The following ERC2 variants were observed in gnomAD, a reference collection of about 807,000 sequenced individuals.
The protein encoded by ERC2 is ELKS/RAB6-interacting/CAST family member 2, also known as ERC protein 2.
In ERC2, 42 loss-of-function variants were observed where a neutral mutation model predicts 114.8. That is an observed-to-expected ratio of 0.37 (90% CI 0.29 to 0.47). The LOEUF is 0.47. ERC2 is among the 20% of genes least tolerant of loss of function. The pLI is 0.99. For synonymous variants in ERC2, 454 were observed against 425.5 expected (o/e 1.07, Z -0.82); for missense variants, 939 against 1,150.7 (o/e 0.82, Z 2.66).
intron 11 of ERC2, among the ~76,000 whole-genome samples, chr3:55,988,957 G>A (rs1186140359): frequency 1.3e-5 from 2 of 152,248 alleles, no homozygotes; most frequent in East Asian, 3.8e-4. Context: ...AGCAGATAAT[G>A]CTTCAGAAAG....
Position 55,659,918 on chromosome 3 carries a change from T to A in ERC2, c.*39+23876A>T, listed in dbSNP as rs1379444725. 2.6e-5 allele frequency among the ~76,000 whole-genome samples: 4 copies of A among 151,934 alleles called. 1 individual carries two copies. The highest frequency in any genetic ancestry group is 9.7e-5 in the African/African-American group (4 of 41,332). On this transcript the variant is annotated intron_variant, in intron 17 of 17. Transcript: ENST00000288221. Reference sequence around the variant, plus strand: ...ATCTCGGTATGGCGTCTCTCCCATATTTGCTCTAGGCATCTAGTGCCTCCT... The same window carrying A: ...ATCTCGGTATGGCGTCTCTCCCATAATTGCTCTAGGCATCTAGTGCCTCCT...
chr3:56,153,420 T>C (rs1265958459), intron 4 of ERC2, among the ~76,000 whole-genome samples: 1 of 152,178 alleles, frequency 6.6e-6, no homozygotes, highest in Non-Finnish European at 1.5e-5. Context: ...GATCCTCGGG[T>C]GATTCGGGTG....
chr3:55,937,477 T>G (rs1418723222), intron 13 of ERC2, among the ~76,000 whole-genome samples: 1 of 152,160 alleles, frequency 6.6e-6, no homozygotes, highest in African/African-American at 2.4e-5. Context: ...TGTTCAAGAC[T>G]CCAGCTACTT....
At chr3:55,569,860 T>C (rs868079336) in intron 17 of ERC2, among the ~76,000 whole-genome samples, 6 of 142,306 alleles carry the variant, frequency 4.2e-5, no homozygotes, top group Admixed American at 1.4e-4. Context: ...ACTTCATTTC[T>C]ATTTTTTTTT....
chr3:55,656,384 C>G (rs2060867469), intron 17 of ERC2, among the ~76,000 whole-genome samples: 1 of 152,170 alleles, frequency 6.6e-6, no homozygotes. Context: ...TCTTGAACTC[C>G]TGGCTCAAGT....
chr3:55,604,048 A>T (rs921982300), intron 17 of ERC2, among the ~76,000 whole-genome samples: 8 of 152,178 alleles, frequency 5.3e-5, no homozygotes, highest in Middle Eastern at 3.2e-3. Flanking sequence ...TCAGAGAGAG[A>T]AAGCAATGAA....
chr3:56,219,820 A>T (rs747514927), intron 3 of ERC2, among the ~76,000 whole-genome samples: 7 of 152,162 alleles, frequency 4.6e-5, no homozygotes, highest in Non-Finnish European at 8.8e-5. Context: ...TAGTGGCCAA[A>T]GACTGATTTC....
At chr3:56,403,646 C>G (rs966428115) in intron 2 of ERC2, among the ~76,000 whole-genome samples, 20 of 152,296 alleles carry the variant, frequency 1.3e-4, no homozygotes, top group African/African-American at 4.1e-4. Context: ...TTAACGAGAT[C>G]CCCAGGTAAT....
intron 3 of ERC2, 116 bp downstream of exon 3, chr3:56,295,903 G>A (rs1350649175): frequency 1.7e-5 from 20 of 1,166,730 alleles, no homozygotes; most frequent in Non-Finnish European, 2.0e-5. Flanking sequence ...TCATAAAGCA[G>A]ATGACAAAGG....
intron 2 of ERC2, among the ~76,000 whole-genome samples, chr3:56,318,937 G>A (rs2056996806): frequency 6.8e-6 from 1 of 147,092 alleles, no homozygotes; most frequent in Non-Finnish European, 1.5e-5. Flanking sequence ...ACTCCAGCCT[G>A]GGTGACACAG....
intron 3 of ERC2, among the ~76,000 whole-genome samples, chr3:56,261,801 T>C (rs922735573): frequency 1.3e-5 from 2 of 152,210 alleles, no homozygotes; most frequent in South Asian, 4.1e-4. Context: ...ACAGATTATT[T>C]CATTACTGAG....
At chr3:56,179,472 C>T (rs530155618) in intron 3 of ERC2, among the ~76,000 whole-genome samples, 9 of 152,014 alleles carry the variant, frequency 5.9e-5, no homozygotes, top group Non-Finnish European at 1.2e-4. Context: ...AGCATGGTTT[C>T]GGGGTGGTGG....
In ERC2 at chr3:55,808,727, AT is replaced by A. The variant is rs1559689281; in HGVS notation, c.2565-73810del. ...TATATATATATATATATATATATAT[AT>A]ATATATATATATATAACGTATAACT... On this transcript the variant is annotated intron_variant, in intron 14 of 17. Transcript: ENST00000288221. Among the ~76,000 whole-genome samples, 69 of 116,102 alleles carry A rather than the reference AT, an allele frequency of 5.9e-4. 2 individuals carry two copies. Among genetic ancestry groups the A allele is most frequent in the African/African-American group, 1.8e-3 (51 of 27,600 alleles). The allele number at this position is 116,102 out of a possible 152,430, so 76.2% of individuals were successfully genotyped here. A position where few individuals can be genotyped will look rare whatever the true frequency, so the allele number is the denominator to read the frequency against.
At chr3:56,110,718 G>A (rs1174121507) in intron 6 of ERC2, among the ~76,000 whole-genome samples, 1 of 152,138 alleles carries the variant, frequency 6.6e-6, no homozygotes, top group Non-Finnish European at 1.5e-5. Flanking sequence ...AAAATGGCCT[G>A]TAGGCAGGAT....
At chr3:56,384,520 T>A (rs2059865319) in intron 2 of ERC2, among the ~76,000 whole-genome samples, 2 of 152,184 alleles carry the variant, frequency 1.3e-5, no homozygotes, top group Admixed American at 6.6e-5. Flanking sequence ...TCTATTCAAG[T>A]CCTTTTGCCC....
At chr3:56,129,446 T>A (rs1478304052) in intron 6 of ERC2, among the ~76,000 whole-genome samples, 2 of 152,180 alleles carry the variant, frequency 1.3e-5, no homozygotes, top group African/African-American at 4.8e-5. Context: ...CTTAATAAAT[T>A]CTGTTTTCCA....
chr3:55,612,070 G>A (rs2058929253), intron 17 of ERC2, among the ~76,000 whole-genome samples: 1 of 152,080 alleles, frequency 6.6e-6, no homozygotes, highest in African/African-American at 2.4e-5. Context: ...CATTCATCCT[G>A]GTCAAGTGTG....
chr3:55,914,547 C>T (rs1350764574), intron 13 of ERC2, among the ~76,000 whole-genome samples: 2 of 152,138 alleles, frequency 1.3e-5, no homozygotes. Flanking sequence ...TTGATTCTTA[C>T]CACTTCTAGA....
At chr3:55,853,995 C>T (rs904651394) in intron 14 of ERC2, among the ~76,000 whole-genome samples, 3 of 152,146 alleles carry the variant, frequency 2.0e-5, no homozygotes, top group Non-Finnish European at 4.4e-5. Context: ...ACGAAGCAGG[C>T]CCAGCGCGGC....
Sources: gnomAD v4.1 joint callset for allele counts (sites outside exome capture counted in the v4.1 genomes callset) on GRCh38, gnomAD v4.1.1 for gene constraint, MANE v1.5 for transcripts, NCBI Gene and HGNC (gene_info 2026-07-23, HGNC 2026-07-21) for gene names.